Variants in DSE observed in about 807,000 individuals in gnomAD.
DSE encodes the protein dermatan sulfate epimerase, also known as dermatan-sulfate epimerase.
DSE carries 36 observed loss-of-function variants against 84.4 expected under a neutral mutation model. The observed-to-expected ratio is 0.43, with a 90% CI of 0.33 to 0.56. The LOEUF (loss-of-function observed/expected upper bound fraction) is 0.56, where lower values mean the gene tolerates loss of function less well. Among genes scored for constraint, DSE ranks in the 20% least tolerant of loss-of-function variants. DSE has a pLI of 0.06. For missense variants in DSE, 862 were observed against 1,169.6 expected (o/e 0.74, Z 3.84); for synonymous variants, 410 against 430.1 (o/e 0.95, Z 0.58).
intron 2 of DSE, among the ~76,000 whole-genome samples, chr6:116,406,202 T>A (rs1359274073): frequency 2.0e-5 from 3 of 152,198 alleles, no homozygotes; most frequent in Admixed American, 6.5e-5. Context: ...TTGATACCTT[T>A]TTAAATGCAA....
At chr6:116,332,870 T>G (rs1777034103) in intron 2 of DSE, among the ~76,000 whole-genome samples, 1 of 152,106 alleles carries the variant, frequency 6.6e-6, no homozygotes, top group African/African-American at 2.4e-5. Context: ...ACAAAAAGAC[T>G]TCAGGCATTT....
chr6:116,384,521 G>A (rs555760997), intron 1 of DSE, among the ~76,000 whole-genome samples: 12 of 152,322 alleles, frequency 7.9e-5, no homozygotes, highest in South Asian at 2.1e-4. Context: ...GGCACTGGCC[G>A]TGATCACGGC....
At chr6:116,288,060 C>A (rs916150870) in intron 2 of DSE, 1 of 151,974 alleles carries the variant, frequency 6.6e-6, no homozygotes, top group Non-Finnish European at 1.5e-5. Flanking sequence ...TATGATGGCT[C>A]CAATACTCAA....
chr6:116,406,622 A>G (rs1404121097), intron 2 of DSE, among the ~76,000 whole-genome samples: 1 of 152,240 alleles, frequency 6.6e-6, no homozygotes, highest in Non-Finnish European at 1.5e-5. Flanking sequence ...GAGAGTAATA[A>G]TGACATGAGT....
intron 2 of DSE, among the ~76,000 whole-genome samples, chr6:116,344,398 C>T (rs1777816832): frequency 6.6e-6 from 1 of 152,212 alleles, no homozygotes; most frequent in Non-Finnish European, 1.5e-5. Flanking sequence ...GGTTGGGTTA[C>T]CTACGAAGAG....
intron 1 of DSE, among the ~76,000 whole-genome samples, chr6:116,392,950 C>A (rs1479265742): frequency 1.3e-5 from 2 of 152,110 alleles, no homozygotes; most frequent in African/African-American, 4.8e-5. Flanking sequence ...AGTGATGGAG[C>A]CAGGACCAGA....
chr6:116,345,200 A>C (rs1267747972), intron 2 of DSE, among the ~76,000 whole-genome samples: 1 of 152,218 alleles, frequency 6.6e-6, no homozygotes, highest in Admixed American at 6.5e-5. Context: ...TCAACATTCG[A>C]CAGATCAATG....
intron 2 of DSE, chr6:116,279,434 C>G: frequency 6.2e-7 from 1 of 1,613,540 alleles, no homozygotes; most frequent in Non-Finnish European, 8.5e-7. Flanking sequence ...CCACAGATTT[C>G]TAGGGCCTTC....
exon 2 of DSE, chr6:116,258,556 G>A: frequency 6.7e-7 from 1 of 1,485,514 alleles, no homozygotes; most frequent in Non-Finnish European, 9.4e-7. Flanking sequence ...AATGGCATAG[G>A]AGTTGGAGGA....
chr6:116,297,419 C>T (rs778778127), intron 2 of DSE, among the ~76,000 whole-genome samples: 1 of 152,112 alleles, frequency 6.6e-6, no homozygotes, highest in Non-Finnish European at 1.5e-5. Context: ...CCTACCTCCA[C>T]ATGAGTGCCT....
chr6:116,279,516 G>A (rs770759929), intron 2 of DSE: 18 of 1,608,544 alleles, frequency 1.1e-5, no homozygotes, highest in Non-Finnish European at 1.5e-5. Flanking sequence ...CCAGGCCTTC[G>A]GCGGGAGGCT....
chr6:116,372,824 C>T (rs935784831), intron 1 of DSE, among the ~76,000 whole-genome samples: 2 of 152,148 alleles, frequency 1.3e-5, no homozygotes, highest in Non-Finnish European at 2.9e-5. Flanking sequence ...GTTACATACA[C>T]AGGTATATGA....
Position 116,303,953 on chromosome 6 carries a change from G to C in DSE, c.-54+44986G>C, listed in dbSNP as rs140193849. 7.8e-3 allele frequency among the ~76,000 whole-genome samples: 1,183 copies of C among 152,052 alleles called. 21 individuals are homozygous for C. Among genetic ancestry groups the C allele is most frequent in the South Asian group, 0.051 (243 of 4,804 alleles). ...GATCGAGACCATCCTGGCTAATATG[G>C]TGAAACCCCGTCTGTACTAAAAATA... On this transcript the variant is annotated intron_variant, in intron 2 of 3. Coordinates refer to the DSE transcript ENST00000430252.
chr6:116,268,634 G>C (rs545864850), intron 2 of DSE, among the ~76,000 whole-genome samples: 1 of 152,120 alleles, frequency 6.6e-6, no homozygotes, highest in Non-Finnish European at 1.5e-5. Flanking sequence ...CCTATTCATC[G>C]TAATAACCAA....
rs1018749140 is a variant in DSE at position 116,442,718 on chromosome 6, AT to A, written c.*5375del. 1 of 152,166 alleles carries A rather than the reference AT, an allele frequency of 6.6e-6. No homozygotes were observed. The highest frequency in any genetic ancestry group is 2.4e-5 in the African/African-American group (1 of 41,430). The allele number at this position is 152,166 out of a possible 1,614,324, so 9.4% of individuals were successfully genotyped here. Reference sequence around the variant, plus strand: ...GGACATGCTAAGGAATCTGGACTTTATTCTGCCATGAGGCTGCTCAACCATT... The same window carrying A: ...GGACATGCTAAGGAATCTGGACTTTATCTGCCATGAGGCTGCTCAACCATT... On this transcript the variant is annotated 3_prime_UTR_variant, in exon 6 of 6. Coordinates refer to ENST00000644252, the MANE Select transcript of DSE (RefSeq NM_013352.4).
At chr6:116,255,873 CTTCTTT>C (rs1772121242) in intron 1 of DSE, 1 of 152,154 alleles carries the variant, frequency 6.6e-6, no homozygotes, top group Admixed American at 6.5e-5. Context: ...TACATGTGAA[CTTCTTT>C]TTCTTTTTGT....
chr6:116,325,225 A>G (rs991629918), intron 2 of DSE, among the ~76,000 whole-genome samples: 3 of 152,218 alleles, frequency 2.0e-5, no homozygotes, highest in Admixed American at 2.0e-4. Flanking sequence ...AGTGAGACTC[A>G]TGGTTGCCTA....
chr6:116,344,739 AC>A lies in DSE; in HGVS notation c.-53-54458del, dbSNP rs531921345. 3.6e-4 allele frequency among the ~76,000 whole-genome samples: 55 copies of A among 152,356 alleles called. No individual in the cohort carries two copies. The South Asian group carries it at 0.011, about 30-fold the overall frequency. The stretch of plus-strand genomic sequence containing the variant: ...AACTAATGAGCAAAATAACCAGCTA[AC>A]ATCATAATGACAGGATCAAATTCAC... On this transcript the variant is annotated intron_variant, in intron 2 of 3. Coordinates refer to the DSE transcript ENST00000430252.
intron 2 of DSE, chr6:116,279,759 G>T: frequency 5.6e-6 from 9 of 1,612,292 alleles, no homozygotes; most frequent in Non-Finnish European, 7.6e-6. Context: ...GGTCGCTCGG[G>T]ACTTGGTCAG....
Sources: allele counts gnomAD v4.1 joint callset (sites outside exome capture counted in the v4.1 genomes callset), GRCh38; gene constraint gnomAD v4.1.1; transcripts MANE v1.5; gene names NCBI Gene and HGNC (gene_info 2026-07-23, HGNC 2026-07-21).